BMP1: variants seen among roughly 807,000 people sequenced by gnomAD.
BMP1 encodes the protein mammalian tolloid protein.
In BMP1, 63 loss-of-function variants were observed where a neutral mutation model predicts 116.8. The ratio of observed to expected loss-of-function variants is 0.54; its 90% confidence interval spans 0.44 to 0.67. BMP1 has a LOEUF of 0.67. BMP1 is among the 30% of genes least tolerant of loss of function. The probability of loss-of-function intolerance (pLI) is 0.00; values close to 1 mark genes in which losing one functional copy is unlikely to be tolerated. For synonymous variants in BMP1, 536 were observed against 533.4 expected (o/e 1.00, Z -0.07); for missense variants, 1,183 against 1,358.9 (o/e 0.87, Z 2.04).
rs1434598585 is a variant in BMP1 at position 22,194,086 on chromosome 8, G to A, written c.1209G>A (p.Glu403=). 1.2e-6 allele frequency: 2 copies of A among 1,614,228 alleles called. No individual in the cohort carries two copies. The highest frequency in any genetic ancestry group is 1.1e-5 in the South Asian group (1 of 91,088). ...GCTTCTGCGGGTCCAAACTCCCTGA[G>A]CCTATCGTCTCCACTGACAGCCGCC... ...RGRFCGSKLP[E]PIVSTDSRLW... Residue 403 remains glutamate, a synonymous_variant, in exon 10 of 20, where the codon GAG becomes GAA. Transcript: ENST00000306385. This position sits in a 1 kb window ranked among gnomAD's most constrained non-coding sequence, Gnocchi z 4.5.
chr8:22,209,841 C>A, intron 19 of BMP1, 146 bp downstream of exon 19: 1 of 892,782 alleles, frequency 1.1e-6, no homozygotes, highest in Non-Finnish European at 1.7e-6. Context: ...TGTGGGAGCC[C>A]AGAAGCCCAG....
chr8:22,206,987 G>T lies in BMP1; in HGVS notation c.2361+6G>T, dbSNP rs779620287. 20 of 1,613,878 alleles carry T rather than the reference G, an allele frequency of 1.2e-5. No individual in the cohort carries two copies. Among genetic ancestry groups the T allele is most frequent in the Non-Finnish European group, 1.5e-5 (18 of 1,179,944 alleles). On this transcript the variant is annotated splice_donor_region_variant and intron_variant, in intron 17 of 19. Coordinates refer to ENST00000306385, the MANE Select transcript of BMP1 (RefSeq NM_006129.5). ...CCGGGCACCGGGTCAAGCTGGTAAG[G>T]GGTCCCCTCCCCACTCCTTATGCGG...
At chr8:22,205,933 C>T (rs538107111) in intron 16 of BMP1, among the ~76,000 whole-genome samples, 5 of 152,144 alleles carry the variant, frequency 3.3e-5, no homozygotes, top group African/African-American at 4.8e-5. Context: ...ACCGAGAGGC[C>T]GTCTTGGGTG....
chr8:22,186,722 C>T (rs999708456), intron 8 of BMP1, among the ~76,000 whole-genome samples: 3 of 151,956 alleles, frequency 2.0e-5, no homozygotes, highest in Non-Finnish European at 4.4e-5. Flanking sequence ...CCTCAGCCTC[C>T]CTAAGTGCTG....
At chr8:22,192,411 C>A in intron 9 of BMP1, 1 of 388,690 alleles carries the variant, frequency 2.6e-6, no homozygotes, top group Non-Finnish European at 4.8e-6. Flanking sequence ...TTGGCTGTCA[C>A]CCTACGGGTG....
Position 22,177,078 on chromosome 8 carries a change from C to T in BMP1, c.669C>T (p.His223=), listed in dbSNP as rs1828463194. Residue 223 remains histidine, a synonymous_variant, in exon 5 of 20, where the codon CAC becomes CAT. Transcript: ENST00000306385. ...HELGHVVGFW[H]EHTRPDRDRH... ...TGGGCCACGTCGTCGGCTTCTGGCA[C>T]GAACACACTCGGCCAGACCGGGACC... 1.2e-6 allele frequency: 2 copies of T among 1,612,390 alleles called. No individual in the cohort carries two copies. Among genetic ancestry groups the T allele is most frequent in the Non-Finnish European group, 1.7e-6 (2 of 1,179,338 alleles).
At chr8:22,177,242 T>A in intron 5 of BMP1, 103 bp downstream of exon 5, 3 of 1,260,276 alleles carry the variant, frequency 2.4e-6, no homozygotes, top group Non-Finnish European at 3.3e-6. Flanking sequence ...CCAGCCGTCA[T>A]CGCCTGGGCC....
intron 1 of BMP1, chr8:22,171,745 A>G (rs1162729888): frequency 6.6e-6 from 1 of 152,196 alleles, no homozygotes; most frequent in Non-Finnish European, 1.5e-5. Flanking sequence ...TTGGGACCTC[A>G]GTTTCCTCAT....
At chr8:22,190,547 G>A (rs576735024) in intron 8 of BMP1, among the ~76,000 whole-genome samples, 17 of 152,344 alleles carry the variant, frequency 1.1e-4, no homozygotes, top group South Asian at 1.0e-3. Flanking sequence ...CGGCCTGCAC[G>A]GCGTGACGTG....
At chr8:22,196,873 G>A in intron 14 of BMP1, 33 bp downstream of exon 14, 2 of 1,592,180 alleles carry the variant, frequency 1.3e-6, no homozygotes, top group South Asian at 2.3e-5. Context: ...GGTGGGGCAG[G>A]AAGCTGTGAG....
At chr8:22,200,667 C>G (rs1399990934) in intron 15 of BMP1, among the ~76,000 whole-genome samples, 1 of 152,130 alleles carries the variant, frequency 6.6e-6, no homozygotes, top group Non-Finnish European at 1.5e-5. Context: ...ACGGTACATC[C>G]ATGCACTGGG....
intron 13 of BMP1, chr8:22,196,449 CCA>C: frequency 4.9e-6 from 3 of 618,304 alleles, no homozygotes; most frequent in Non-Finnish European, 8.6e-6. Flanking sequence ...ATAGAAATGG[CCA>C]CACTTATGAC....
At chr8:22,203,385 G>A (rs539058979) in intron 16 of BMP1, among the ~76,000 whole-genome samples, 4 of 152,158 alleles carry the variant, frequency 2.6e-5, no homozygotes, top group South Asian at 2.1e-4. Context: ...ATGAAAACCC[G>A]TCTCTACTAG....
At chr8:22,175,523 C>G (rs1438693701) in intron 2 of BMP1, among the ~76,000 whole-genome samples, 1 of 152,186 alleles carries the variant, frequency 6.6e-6, no homozygotes, top group East Asian at 1.9e-4. Context: ...AGGGAAAATA[C>G]AGGGTCAGGT....
intron 8 of BMP1, among the ~76,000 whole-genome samples, chr8:22,181,856 G>A (rs748233730): frequency 5.9e-5 from 9 of 152,108 alleles, no homozygotes; most frequent in Non-Finnish European, 1.2e-4. Flanking sequence ...CATCTGGCCT[G>A]TAGCCAGCTC....
intron 1 of BMP1, 81 bp downstream of exon 1, chr8:22,165,634 T>G: frequency 7.2e-7 from 1 of 1,386,204 alleles, no homozygotes; most frequent in Non-Finnish European, 9.4e-7. Flanking sequence ...GGGAGGACAG[T>G]CCAGTGTGGG....
rs1829369019 is a variant in BMP1, at chr8:22,206,877, T to G, written c.2257T>G (p.Ser753Ala). Residue 753 changes from serine to alanine, a missense_variant, in exon 17 of 20, where the codon TCC (serine) becomes GCC (alanine). By Grantham distance (99) the Ser-to-Ala change is moderately conservative. Transcript: ENST00000306385. ...KEAGCDHKVT[S>A]TSGTITSPNW... ...AGCCGGCTGTGACCACAAGGTGACA[T>G]CCACCAGTGGTACCATCACCAGCCC... The G allele has an allele frequency of 6.2e-7, 1 of 1,614,028 alleles. No individual in the cohort carries two copies. The highest frequency in any genetic ancestry group is 1.3e-5 in the African/African-American group (1 of 74,916).
intron 15 of BMP1, chr8:22,201,254 C>T (rs763830507): frequency 1.9e-5 from 30 of 1,583,550 alleles, no homozygotes; most frequent in East Asian, 4.5e-5. Context: ...TCACCTTGGA[C>T]GGAATGGGAT....
intron 2 of BMP1, among the ~76,000 whole-genome samples, chr8:22,175,352 T>A (rs1228920531): frequency 2.0e-5 from 3 of 152,228 alleles, no homozygotes; most frequent in African/African-American, 7.2e-5. Flanking sequence ...GAAGGGATAT[T>A]TTCCTAATCT....
Sources: allele counts gnomAD v4.1 joint callset (sites outside exome capture counted in the v4.1 genomes callset), GRCh38; gene constraint gnomAD v4.1.1; non-coding constraint Gnocchi (gnomAD v3.1); transcripts MANE v1.5; gene names NCBI Gene and HGNC (gene_info 2026-07-23, HGNC 2026-07-21).